Variants in CLEC16A observed in about 807,000 individuals in gnomAD.
CLEC16A encodes the protein protein CLEC16A.
Under a neutral mutation model 109.5 loss-of-function variants are expected in CLEC16A, and 51 were observed. The observed-to-expected ratio is 0.47, with a 90% CI of 0.37 to 0.59. The LOEUF (loss-of-function observed/expected upper bound fraction) is 0.59, where lower values mean the gene tolerates loss of function less well. CLEC16A is among the 20% of genes least tolerant of loss of function. CLEC16A has a pLI of 0.00. For missense variants in CLEC16A, 1,339 were observed against 1,394.0 expected, an observed-to-expected ratio of 0.96 and a Z score of 0.63; for synonymous variants, 673 against 564.2, an observed-to-expected ratio of 1.19 and a Z score of -2.73.
At chr16:11,163,661 A>G (rs1430743294) in intron 22 of CLEC16A, among the ~76,000 whole-genome samples, 1 of 152,216 alleles carries the variant, frequency 6.6e-6, no homozygotes, top group African/African-American at 2.4e-5. Flanking sequence ...AACCAGGTTT[A>G]TGATGCTGTA....
chr16:11,030,880 A>G (rs973687573), intron 13 of CLEC16A, among the ~76,000 whole-genome samples: 6 of 152,162 alleles, frequency 3.9e-5, no homozygotes, highest in African/African-American at 1.4e-4. Context: ...CCTGACCTCA[A>G]GTGATACACC....
Position 11,039,937 on chromosome 16 carries a change from T to C in CLEC16A, c.1660+61T>C, listed in dbSNP as rs978909456. 4 of 1,569,938 alleles carry C rather than the reference T, an allele frequency of 2.5e-6. No homozygotes were observed. The African/African-American group carries it at 4.1e-5, about 16-fold the overall frequency. On this transcript the variant is annotated intron_variant, in intron 14 of 23. Coordinates refer to ENST00000409790, the MANE Select transcript of CLEC16A (RefSeq NM_015226.3). Reference sequence around the variant, plus strand: ...CGCAGTTGTAGGAAGCAGACCCCACTGGGAGCCTGAGCCCTGGGTGCTAGG... The same window carrying C: ...CGCAGTTGTAGGAAGCAGACCCCACCGGGAGCCTGAGCCCTGGGTGCTAGG...
In CLEC16A at chr16:11,006,559, C is replaced by G. The variant is rs76525773; in HGVS notation, c.1303+3254C>G. 4.8e-4 allele frequency among the ~76,000 whole-genome samples: 73 copies of G among 152,288 alleles called. No individual in the cohort carries two copies. The East Asian group carries it at 0.013, about 27-fold the overall frequency. On this transcript the variant is annotated intron_variant, in intron 11 of 23. Transcript: ENST00000409790. ...ACTCTTAAGGAAAGAGATGCTGACA[C>G]TCTGCCTCTGCATACCCTGCCAATC...
chr16:11,132,608 C>G (rs1374544732), intron 22 of CLEC16A, among the ~76,000 whole-genome samples: 1 of 152,202 alleles, frequency 6.6e-6, no homozygotes, highest in Non-Finnish European at 1.5e-5. Flanking sequence ...ATGTGACAAT[C>G]TAACTTTCTG....
chr16:10,958,606 G>T (rs1182765665), intron 2 of CLEC16A, among the ~76,000 whole-genome samples: 1 of 152,142 alleles, frequency 6.6e-6, no homozygotes, highest in Admixed American at 6.6e-5. Context: ...TCACTGGACA[G>T]TTAAAAAGCA....
chr16:10,985,992 C>G (rs1489238691), intron 10 of CLEC16A, among the ~76,000 whole-genome samples: 2 of 136,442 alleles, frequency 1.5e-5, no homozygotes, highest in Non-Finnish European at 3.1e-5. Context: ...AAGTGTGAGA[C>G]ACTGCACCTG....
At position 11,090,182 on chromosome 16, in the gene CLEC16A, G is replaced by A. The variant is rs531138845; in HGVS notation, c.2116+29160G>A. Reference sequence around the variant, plus strand: ...CGCAGAAGGGGGACCTGCCTCATACGACCAGGCTGCGTCAGTCATGGGAGT... The same window carrying A: ...CGCAGAAGGGGGACCTGCCTCATACAACCAGGCTGCGTCAGTCATGGGAGT... On this transcript the variant is annotated intron_variant, in intron 19 of 23. Coordinates refer to ENST00000409790, the MANE Select transcript of CLEC16A (RefSeq NM_015226.3). Among the ~76,000 whole-genome samples, 9 of 152,254 alleles carry A rather than the reference G, an allele frequency of 5.9e-5. No homozygotes were observed. The South Asian group carries it at 6.2e-4, about 11-fold the overall frequency.
rs1195801433 is a variant in CLEC16A at position 11,174,020 on chromosome 16, G to A, written c.2807-4315G>A. 3 of 362,870 alleles carry A rather than the reference G, an allele frequency of 8.3e-6. No individual in the cohort carries two copies. The highest frequency in any genetic ancestry group is 1.7e-5 in the Non-Finnish European group (3 of 178,184). The allele number at this position is 362,870 out of a possible 1,614,324, so 22.5% of individuals were successfully genotyped here. A position where few individuals can be genotyped will look rare whatever the true frequency, so the allele number is the denominator to read the frequency against. On this transcript the variant is annotated intron_variant, in intron 23 of 23. Coordinates refer to ENST00000409790, the MANE Select transcript of CLEC16A (RefSeq NM_015226.3). This position sits in a 1 kb window ranked among gnomAD's most constrained non-coding sequence, Gnocchi z 4.7. Reference sequence around the variant, plus strand: ...CATGCACCGGTGGCCACAAGCCCATGCTGGGCACTGCCCCACGACCCTCGC... The same window carrying A: ...CATGCACCGGTGGCCACAAGCCCATACTGGGCACTGCCCCACGACCCTCGC...
chr16:11,157,652 T>C (rs1367948950), intron 22 of CLEC16A, among the ~76,000 whole-genome samples: 2 of 152,198 alleles, frequency 1.3e-5, no homozygotes, highest in Non-Finnish European at 1.5e-5. Flanking sequence ...CTTTTGTTTC[T>C]CTTTGGTTTT....
chr16:10,962,521 C>T lies in CLEC16A; in HGVS notation c.276C>T (p.Tyr92=), dbSNP rs16957839. The T allele has an allele frequency of 0.13, 208,913 of 1,613,688 alleles. 13,802 individuals carry two copies. Among genetic ancestry groups the T allele is most frequent in the Middle Eastern group, 0.15 (923 of 6,062 alleles). The stretch of plus-strand genomic sequence containing the variant: ...TCTTGCGGCAAAAGTCGGGCCGTTA[C>T]GTGTGCGTTCAGCTGCTGCAGACCT... The part of the protein sequence containing the change: ...LNILRQKSGR[Y]VCVQLLQTLN... Residue 92 remains tyrosine, a synonymous_variant, in exon 3 of 24, where the codon TAC becomes TAT. Coordinates refer to ENST00000409790, the MANE Select transcript of CLEC16A (RefSeq NM_015226.3).
chr16:11,147,218 T>G (rs886815600), intron 22 of CLEC16A, among the ~76,000 whole-genome samples: 2 of 152,186 alleles, frequency 1.3e-5, no homozygotes, highest in South Asian at 4.1e-4. Flanking sequence ...GAATTCCCCT[T>G]TGTCATCAAT....
intron 12 of CLEC16A, among the ~76,000 whole-genome samples, chr16:11,021,642 T>TA (rs1430821558): frequency 1.3e-5 from 2 of 152,066 alleles, no homozygotes; most frequent in Non-Finnish European, 2.9e-5. Flanking sequence ...ACGAAAATAT[T>TA]AAAAAATTAG....
In CLEC16A at chr16:11,174,720, C is replaced by T. The variant is rs1165136536; in HGVS notation, c.2807-3615C>T. ...GTAGAAAGCAACCAAGAAGTCTCCTCATTTCTTTTTTCCTTTCTTCCCCTA... is the reference window on the plus strand; with the variant it reads ...GTAGAAAGCAACCAAGAAGTCTCCTTATTTCTTTTTTCCTTTCTTCCCCTA... On this transcript the variant is annotated intron_variant, in intron 23 of 23. Transcript: ENST00000409790. This position sits in a 1 kb window ranked among gnomAD's most constrained non-coding sequence, Gnocchi z 4.7. 6.6e-6 allele frequency among the ~76,000 whole-genome samples: 1 copy of T among 152,268 alleles called. No individual in the cohort carries two copies. Among genetic ancestry groups the T allele is most frequent in the Non-Finnish European group, 1.5e-5 (1 of 68,040 alleles).
intron 22 of CLEC16A, among the ~76,000 whole-genome samples, chr16:11,141,214 T>C (rs896365708): frequency 6.6e-6 from 1 of 152,254 alleles, no homozygotes; most frequent in South Asian, 2.1e-4. Flanking sequence ...GCCAGCCATA[T>C]GGACAGCACC....
intron 1 of CLEC16A, among the ~76,000 whole-genome samples, chr16:10,947,201 T>TG (rs967125580): frequency 3.3e-5 from 5 of 152,152 alleles, no homozygotes; most frequent in Admixed American, 2.0e-4. Context: ...TGTGTATTGG[T>TG]GGGGGGGTTA....
At chr16:11,040,643 G>C (rs148952284) in intron 14 of CLEC16A, 10,078 of 150,596 alleles carry the variant, frequency 0.067, 357 homozygotes, top group East Asian at 0.11. Context: ...CTTCTGAGTA[G>C]CTGGGATTAC....
At position 11,166,524 on chromosome 16, in the gene CLEC16A, C is replaced by T. The variant is rs199845254; in HGVS notation, c.2778C>T (p.Ser926=). ...ACTCTGGAGGCACCAGCTCGTCCTCCACCCCCTCCACAGCCCAGAGTCCAG... is the reference window on the plus strand; with the variant it reads ...ACTCTGGAGGCACCAGCTCGTCCTCTACCCCCTCCACAGCCCAGAGTCCAG... The part of the protein sequence containing the change: ...HCDSGGTSSS[S]TPSTAQSPAD... The change falls in exon 23 of 24, where the codon TCC becomes TCT. Residue 926 remains serine (S), a synonymous_variant. Transcript: ENST00000409790. The T allele has an allele frequency of 3.1e-4, 493 of 1,606,632 alleles. 2 individuals are homozygous for T. In the African/African-American group the frequency reaches 5.2e-3, roughly 17 times the overall value.
intron 11 of CLEC16A, among the ~76,000 whole-genome samples, chr16:11,010,820 G>A (rs192171974): frequency 5.1e-4 from 78 of 152,296 alleles, no homozygotes; most frequent in Middle Eastern, 3.4e-3. Context: ...ACATTTCCAC[G>A]ATCTCTTTCT....
Position 10,969,134 on chromosome 16 carries a change from A to G in CLEC16A, c.344-27A>G, listed in dbSNP as rs769546266. 16 of 1,586,028 alleles carry G rather than the reference A, an allele frequency of 1.0e-5. No individual in the cohort carries two copies. In the South Asian group the frequency reaches 1.8e-4, roughly 18 times the overall value. ...CTTATCTTTCCTCCAGCATGAGTTA[A>G]CCTGTTTTGTTTTTTTCTCCCTCTA... On this transcript the variant is annotated intron_variant, in intron 3 of 23. Transcript: ENST00000409790.
Sources: allele counts gnomAD v4.1 joint callset (sites outside exome capture counted in the v4.1 genomes callset), GRCh38; gene constraint gnomAD v4.1.1; non-coding constraint Gnocchi (gnomAD v3.1); transcripts MANE v1.5; gene names NCBI Gene and HGNC (gene_info 2026-07-23, HGNC 2026-07-21).